NEGR1: variants seen among roughly 807,000 people sequenced by gnomAD.
NEGR1 encodes the protein neuronal growth regulator 1.
Under a neutral mutation model 40.9 loss-of-function variants are expected in NEGR1, and 10 were observed. That is an observed-to-expected ratio of 0.24 (90% CI 0.15 to 0.42). The LOEUF (loss-of-function observed/expected upper bound fraction) is 0.42. Among genes scored for constraint, NEGR1 ranks in the 10% least tolerant of loss-of-function variants. The pLI is 1.00. For missense variants in NEGR1, 352 were observed against 438.9 expected, an observed-to-expected ratio of 0.80 and a Z score of 1.77; for synonymous variants, 185 against 166.8, an observed-to-expected ratio of 1.11 and a Z score of -0.84.
At chr1:71,702,658 T>C (rs1482451933) in intron 3 of NEGR1, among the ~76,000 whole-genome samples, 5 of 151,478 alleles carry the variant, frequency 3.3e-5, no homozygotes, top group Non-Finnish European at 7.4e-5. Flanking sequence ...AGATCGCTAT[T>C]ATATTTAGGA....
At chr1:72,244,540 A>G (rs1654844509) in intron 1 of NEGR1, among the ~76,000 whole-genome samples, 1 of 151,828 alleles carries the variant, frequency 6.6e-6, no homozygotes, top group African/African-American at 2.4e-5. Context: ...TTTATTTCGT[A>G]TTACCAAGAC....
At chr1:72,269,393 C>G (rs1470333212) in intron 1 of NEGR1, among the ~76,000 whole-genome samples, 8 of 151,506 alleles carry the variant, frequency 5.3e-5, no homozygotes, top group Admixed American at 5.3e-4. Context: ...AAACTAGGGA[C>G]TTGGAATACT....
At chr1:71,638,422 G>T (rs1480265060) in intron 4 of NEGR1, among the ~76,000 whole-genome samples, 1 of 151,994 alleles carries the variant, frequency 6.6e-6, no homozygotes, top group Non-Finnish European at 1.5e-5. Flanking sequence ...GAGTTGTAAA[G>T]ATTAGAGAAT....
At chr1:72,203,018 C>G (rs774401327) in intron 1 of NEGR1, among the ~76,000 whole-genome samples, 5 of 152,008 alleles carry the variant, frequency 3.3e-5, no homozygotes, top group Non-Finnish European at 5.9e-5. Context: ...TACACTTAGT[C>G]ACCCCAGAGT....
At chr1:71,645,186 T>A (rs1651491135) in intron 4 of NEGR1, among the ~76,000 whole-genome samples, 1 of 152,008 alleles carries the variant, frequency 6.6e-6, no homozygotes, top group Admixed American at 6.6e-5. Context: ...TTGATTATGT[T>A]CTACTGTGGA....
intron 6 of NEGR1, among the ~76,000 whole-genome samples, chr1:71,465,448 C>G (rs1395441363): frequency 6.6e-6 from 1 of 152,088 alleles, no homozygotes; most frequent in East Asian, 1.9e-4. Flanking sequence ...TAATCGGATA[C>G]TGTATCTACC....
In NEGR1 at chr1:71,867,341, C is replaced by T. The variant is rs1041329387; in HGVS notation, c.409+67738G>A. ...GTGAGTCGACATTATGCCACTGAAC[C>T]GCCACCCTGGGCGAAAGAGTGAGAC... On this transcript the variant is annotated intron_variant, in intron 2 of 6. Coordinates refer to ENST00000357731, the MANE Select transcript of NEGR1 (RefSeq NM_173808.3). Among the ~76,000 whole-genome samples, 10 of 152,268 alleles carry T rather than the reference C, an allele frequency of 6.6e-5. No individual in the cohort carries two copies. In the South Asian group the frequency reaches 1.2e-3, roughly 19 times the overall value.
chr1:71,673,002 G>A (rs1312627410), intron 4 of NEGR1, among the ~76,000 whole-genome samples: 2 of 152,158 alleles, frequency 1.3e-5, no homozygotes, highest in Non-Finnish European at 2.9e-5. Context: ...TTGGGAGGCT[G>A]AGGCGGGCGG....
At chr1:72,229,725 C>T (rs940215822) in intron 1 of NEGR1, among the ~76,000 whole-genome samples, 1 of 151,734 alleles carries the variant, frequency 6.6e-6, no homozygotes, top group Non-Finnish European at 1.5e-5. Flanking sequence ...TTCCAAAAGT[C>T]TGTAAAATTA....
At chr1:71,863,935 C>T (rs1286905804) in intron 2 of NEGR1, among the ~76,000 whole-genome samples, 4 of 152,080 alleles carry the variant, frequency 2.6e-5, no homozygotes, top group East Asian at 1.9e-4. Flanking sequence ...CTTTCCACAA[C>T]ATTTTAAGTT....
chr1:71,870,079 C>T (rs1037703532), intron 2 of NEGR1, among the ~76,000 whole-genome samples: 8 of 151,980 alleles, frequency 5.3e-5, no homozygotes, highest in Admixed American at 2.6e-4. Flanking sequence ...GGGGTTTCGC[C>T]GTGTTGGCCA....
At chr1:71,990,007 G>A (rs1344005748) in intron 1 of NEGR1, among the ~76,000 whole-genome samples, 1 of 151,970 alleles carries the variant, frequency 6.6e-6, no homozygotes, top group East Asian at 1.9e-4. Flanking sequence ...TGTACAACAA[G>A]GATGCATTAT....
At chr1:71,548,510 A>G (rs12727814) in intron 6 of NEGR1, among the ~76,000 whole-genome samples, 80,312 of 151,584 alleles carry the variant, frequency 0.53, 25,302 homozygotes, top group Non-Finnish European at 0.72. Flanking sequence ...ATTGGGCTCC[A>G]ATCTGGATTT....
At chr1:71,520,928 T>C (rs910086908) in intron 6 of NEGR1, among the ~76,000 whole-genome samples, 1 of 152,074 alleles carries the variant, frequency 6.6e-6, no homozygotes, top group Admixed American at 6.6e-5. Context: ...AACTGAAGGT[T>C]CATTAATCTG....
chr1:71,993,409 C>A (rs969953929), intron 1 of NEGR1, among the ~76,000 whole-genome samples: 6 of 152,166 alleles, frequency 3.9e-5, no homozygotes, highest in South Asian at 2.1e-4. Context: ...TTTACACTCT[C>A]CATGTCTCTC....
intron 6 of NEGR1, among the ~76,000 whole-genome samples, chr1:71,570,284 A>G (rs992986897): frequency 2.6e-5 from 4 of 152,224 alleles, no homozygotes; most frequent in East Asian, 1.9e-4. Flanking sequence ...AGATGGTTAT[A>G]CCCCAATGCC....
intron 3 of NEGR1, among the ~76,000 whole-genome samples, chr1:71,772,521 T>C (rs1407127166): frequency 1.3e-5 from 2 of 152,162 alleles, no homozygotes; most frequent in African/African-American, 4.8e-5. Flanking sequence ...ATACATGCAA[T>C]ACAGAGTTCT....
At chr1:71,754,203 T>A (rs907422864) in intron 3 of NEGR1, among the ~76,000 whole-genome samples, 3 of 152,236 alleles carry the variant, frequency 2.0e-5, no homozygotes, top group South Asian at 4.2e-4. Context: ...AGTACCCACC[T>A]CAGAGGTGCT....
rs935260642 is a variant in NEGR1, at chr1:71,565,019, A to T, written c.940+27798T>A. Reference sequence around the variant, plus strand: ...TAGATATCATTAGGTAAGTACACAAATTTTGCATGATATTTTAAGGCGAAG... The same window carrying T: ...TAGATATCATTAGGTAAGTACACAATTTTTGCATGATATTTTAAGGCGAAG... On this transcript the variant is annotated intron_variant, in intron 6 of 6. Transcript: ENST00000357731. Among the ~76,000 whole-genome samples, 134 of 152,106 alleles carry T rather than the reference A, an allele frequency of 8.8e-4. 2 individuals are homozygous for T. Among genetic ancestry groups the T allele is most frequent in the African/African-American group, 3.2e-3 (133 of 41,428 alleles).
Sources: allele counts gnomAD v4.1 joint callset (sites outside exome capture counted in the v4.1 genomes callset), GRCh38; gene constraint gnomAD v4.1.1; transcripts MANE v1.5; gene names NCBI Gene and HGNC (gene_info 2026-07-23, HGNC 2026-07-21).